Variants in SPEF2 observed in about 807,000 individuals in gnomAD.
The protein encoded by SPEF2 is sperm flagellar and cilia associated 2.
In SPEF2, 187 loss-of-function variants were observed where a neutral mutation model predicts 224.6. That is an observed-to-expected ratio of 0.83 (90% confidence interval 0.74 to 0.94). SPEF2 has a LOEUF of 0.94. Ranked by LOEUF, SPEF2 falls within the 40% of genes least tolerant of loss-of-function variation. The probability of loss-of-function intolerance (pLI) is 0.00; values close to 1 mark genes in which losing one functional copy is unlikely to be tolerated. For missense variants in SPEF2, 2,170 were observed against 2,135.6 expected, an observed-to-expected ratio of 1.02 and a Z score of -0.32; for synonymous variants, 715 against 707.3, an observed-to-expected ratio of 1.01 and a Z score of -0.17.
intron 1 of SPEF2, among the ~76,000 whole-genome samples, chr5:35,625,416 A>G (rs942889647): frequency 9.2e-5 from 14 of 152,210 alleles, no homozygotes; most frequent in Non-Finnish European, 1.8e-4. Context: ...GATGAAGGAA[A>G]CGGATTTAGT....
chr5:35,751,280 C>T (rs1177715177), intron 23 of SPEF2, among the ~76,000 whole-genome samples: 2 of 144,432 alleles, frequency 1.4e-5, no homozygotes, highest in Non-Finnish European at 3.0e-5. Flanking sequence ...GACTCAAAGG[C>T]ATAAGAATGA....
At chr5:35,781,911 C>A (rs1052798714) in intron 30 of SPEF2, among the ~76,000 whole-genome samples, 1 of 152,124 alleles carries the variant, frequency 6.6e-6, no homozygotes, top group African/African-American at 2.4e-5. Flanking sequence ...CTCCATTTTT[C>A]TGCATCCCAG....
intron 1 of SPEF2, among the ~76,000 whole-genome samples, chr5:35,618,850 T>G (rs1444968194): frequency 1.3e-5 from 2 of 151,746 alleles, no homozygotes; most frequent in African/African-American, 4.8e-5. Context: ...AGGAGTTCAT[T>G]TTTCAGTTGG....
At chr5:35,618,176 T>A in intron 1 of SPEF2, 121 bp downstream of exon 1, 1 of 1,074,240 alleles carries the variant, frequency 9.3e-7, no homozygotes, top group African/African-American at 1.6e-5. Context: ...GTGGGGCACC[T>A]GCGTAGCCGG....
At chr5:35,698,437 C>T (rs888562786) in intron 15 of SPEF2, 1 of 152,110 alleles carries the variant, frequency 6.6e-6, no homozygotes. Flanking sequence ...CTAGGAGGGG[C>T]CTCACTCTAA....
intron 33 of SPEF2, 61 bp from the exon 34 acceptor site, chr5:35,799,907 T>TAGTCTTCA: frequency 6.4e-7 from 1 of 1,573,012 alleles, no homozygotes; most frequent in South Asian, 1.2e-5. Context: ...CTTCATTGCA[T>TAGTCTTCA]GACTAACTAC....
chr5:35,751,011 ACG>A (rs1749369306), intron 23 of SPEF2, among the ~76,000 whole-genome samples: 1 of 113,300 alleles, frequency 8.8e-6, no homozygotes, highest in Admixed American at 9.0e-5. Context: ...ATATATATAT[ACG>A]TATATATATA....
intron 10 of SPEF2, chr5:35,671,064 G>T (rs1376263133): frequency 4.1e-6 from 4 of 985,210 alleles, no homozygotes; most frequent in Non-Finnish European, 3.6e-6. Context: ...AACAGCAATG[G>T]AATGAGGAGT....
chr5:35,811,767 C>CTT (rs1203514196), intron 36 of SPEF2, among the ~76,000 whole-genome samples: 2,969 of 115,324 alleles, frequency 0.026, 254 homozygotes, highest in African/African-American at 0.096. Flanking sequence ...TTTGCCATTA[C>CTT]TTTTTTTTTT....
chr5:35,810,802 G>A (rs1758487308), intron 36 of SPEF2, among the ~76,000 whole-genome samples: 1 of 152,148 alleles, frequency 6.6e-6, no homozygotes, highest in African/African-American at 2.4e-5. Context: ...GTAGCACCTG[G>A]CATTCTCATA....
rs1307812186 is a variant in SPEF2 at position 35,621,954 on chromosome 5, A to G, written c.58+3899A>G. Among the ~76,000 whole-genome samples, 3 of 152,166 alleles carry G rather than the reference A, an allele frequency of 2.0e-5. No homozygotes were observed. In the East Asian group the frequency reaches 5.8e-4, roughly 29 times the overall value. On this transcript the variant is annotated intron_variant, in intron 1 of 36. Transcript: ENST00000356031. ...CCACACTGTTCAATAGTATTTTCCAATGTTACTTCTACTACCAAAAGCTTC... is the reference window on the plus strand; with the variant it reads ...CCACACTGTTCAATAGTATTTTCCAGTGTTACTTCTACTACCAAAAGCTTC...
chr5:35,782,431 TATATTAA>T (rs1754472735), intron 30 of SPEF2, among the ~76,000 whole-genome samples: 1 of 152,092 alleles, frequency 6.6e-6, no homozygotes, highest in African/African-American at 2.4e-5. Context: ...TTCACTAAAA[TATATTAA>T]AACAGATGGA....
chr5:35,660,208 C>A (rs1192912791), intron 8 of SPEF2, among the ~76,000 whole-genome samples: 1 of 152,126 alleles, frequency 6.6e-6, no homozygotes, highest in Non-Finnish European at 1.5e-5. Context: ...TGGATTACTT[C>A]TTGTCTACTT....
chr5:35,739,374 T>C (rs1747189558), intron 21 of SPEF2, among the ~76,000 whole-genome samples: 1 of 152,090 alleles, frequency 6.6e-6, no homozygotes, highest in Admixed American at 6.5e-5. Context: ...CTGGGTAGGA[T>C]TTCTGGAATA....
rs77660141 is a variant in SPEF2 at position 35,697,779 on chromosome 5, A to G, written c.2127A>G (p.Ile709Met). Residue 709 changes from isoleucine to methionine, a missense_variant, in exon 15 of 37, where the codon ATA becomes ATG. Physicochemically the swap from Ile to Met is conservative, Grantham distance 10. Transcript: ENST00000356031. ...SIPDVLLVDIIVNAINEIPVN... is the reference protein window; with the variant it reads ...SIPDVLLVDIMVNAINEIPVN... ...CTGATGTGCTGCTTGTTGACATCAT[A>G]GTAAATGCTATTAAGTATGTATTGC... 1.6e-3 allele frequency: 2,593 copies of G among 1,611,516 alleles called. 30 individuals are homozygous for G. The African/African-American group carries it at 0.031, about 19-fold the overall frequency.
At chr5:35,789,042 T>G in intron 30 of SPEF2, 1 of 684,762 alleles carries the variant, frequency 1.5e-6, no homozygotes, top group Non-Finnish European at 2.7e-6. Context: ...GTAAGTAATT[T>G]TGAAATATCG....
At chr5:35,670,578 AT>A in intron 10 of SPEF2, 1 of 991,532 alleles carries the variant, frequency 1.0e-6, no homozygotes, top group Non-Finnish European at 1.2e-6. Context: ...GTTAAAAAGT[AT>A]TTCTTTTGTA....
At chr5:35,802,667 C>T (rs1295131204) in intron 34 of SPEF2, among the ~76,000 whole-genome samples, 1 of 152,150 alleles carries the variant, frequency 6.6e-6, no homozygotes, top group Non-Finnish European at 1.5e-5. Flanking sequence ...TTGCAAGTCC[C>T]TGGGGCATGA....
In SPEF2 at chr5:35,656,804, C is replaced by A. The variant is rs557422220; in HGVS notation, c.978+2078C>A. Among the ~76,000 whole-genome samples, 4 of 152,320 alleles carry A rather than the reference C, an allele frequency of 2.6e-5. No individual in the cohort carries two copies. In the East Asian group the frequency reaches 7.7e-4, roughly 29 times the overall value. On this transcript the variant is annotated intron_variant, in intron 7 of 36. Coordinates refer to ENST00000356031, the MANE Select transcript of SPEF2 (RefSeq NM_024867.4). ...AGGGGCCTAAAAAAGAGCCAGGGCT[C>A]TATATATTTCCATCACAGGAACCTC...
Sources: gnomAD v4.1 joint callset for allele counts (sites outside exome capture counted in the v4.1 genomes callset) on GRCh38, gnomAD v4.1.1 for gene constraint, MANE v1.5 for transcripts, NCBI Gene and HGNC (gene_info 2026-07-23, HGNC 2026-07-21) for gene names.